The following NRXN3 variants were observed in gnomAD, a reference collection of about 807,000 sequenced individuals.
The protein encoded by NRXN3 is neurexin 3.
In NRXN3, 32 loss-of-function variants were observed where a neutral mutation model predicts 137.6. That is an observed-to-expected ratio of 0.23 (90% confidence interval 0.18 to 0.31). NRXN3 has a LOEUF of 0.31. Ranked by LOEUF, NRXN3 falls within the 10% of genes least tolerant of loss-of-function variation. The pLI is 1.00. For missense variants in NRXN3, 1,574 were observed against 2,062.5 expected (o/e 0.76, Z 4.59); for synonymous variants, 798 against 784.5 (o/e 1.02, Z -0.29).
chr14:79,820,743 A>G (rs893620993), intron 20 of NRXN3, among the ~76,000 whole-genome samples: 3 of 152,160 alleles, frequency 2.0e-5, no homozygotes, highest in African/African-American at 7.2e-5. Flanking sequence ...CTTGTTGAGA[A>G]CATGCAGTAT....
At chr14:78,350,602 G>A (rs1399719430) in intron 4 of NRXN3, among the ~76,000 whole-genome samples, 2 of 152,116 alleles carry the variant, frequency 1.3e-5, no homozygotes, top group Non-Finnish European at 2.9e-5. Flanking sequence ...GAAGGTGAAG[G>A]TGAAGGGTCT....
At chr14:79,796,757 T>C (rs1256867991) in intron 19 of NRXN3, among the ~76,000 whole-genome samples, 1 of 152,142 alleles carries the variant, frequency 6.6e-6, no homozygotes, top group East Asian at 1.9e-4. Flanking sequence ...ATATGCATTG[T>C]GGAAAAGAAG....
At chr14:79,818,685 C>T (rs894655082) in intron 20 of NRXN3, among the ~76,000 whole-genome samples, 3 of 152,196 alleles carry the variant, frequency 2.0e-5, no homozygotes, top group Admixed American at 2.0e-4. Flanking sequence ...CACTTCCTTG[C>T]ATTATGCATC....
chr14:79,688,285 C>T (rs2098703289), intron 17 of NRXN3, among the ~76,000 whole-genome samples: 1 of 152,054 alleles, frequency 6.6e-6, no homozygotes, highest in African/African-American at 2.4e-5. Flanking sequence ...GTGACTTGCC[C>T]ACGATCACAC....
intron 15 of NRXN3, among the ~76,000 whole-genome samples, chr14:79,242,503 C>T (rs1221960380): frequency 6.6e-6 from 1 of 152,074 alleles, no homozygotes. Context: ...AATTGGCTAC[C>T]CTCTGGGTTC....
At chr14:79,544,490 G>A (rs1002511811) in intron 16 of NRXN3, among the ~76,000 whole-genome samples, 3 of 152,120 alleles carry the variant, frequency 2.0e-5, no homozygotes, top group African/African-American at 7.2e-5. Context: ...ATGGCCATGT[G>A]ACTTGCTGGA....
In NRXN3 at chr14:78,672,081, C is replaced by T. The variant is rs79729807; in HGVS notation, c.1221+20755C>T. On this transcript the variant is annotated intron_variant, in intron 6 of 20. Coordinates refer to ENST00000335750, the MANE Select transcript of NRXN3 (RefSeq NM_001330195.2). ...TAGTTGGTGCAAAAAATATACAGAACTTGAAAGATCTAATCATAAAGAAAT... is the reference window on the plus strand; with the variant it reads ...TAGTTGGTGCAAAAAATATACAGAATTTGAAAGATCTAATCATAAAGAAAT... 6.3e-3 allele frequency among the ~76,000 whole-genome samples: 956 copies of T among 152,156 alleles called. 6 individuals are homozygous for T. Among genetic ancestry groups the T allele is most frequent in the East Asian group, 0.037 (192 of 5,184 alleles).
intron 16 of NRXN3, among the ~76,000 whole-genome samples, chr14:79,482,384 A>G (rs954074153): frequency 2.0e-5 from 3 of 152,174 alleles, no homozygotes; most frequent in African/African-American, 4.8e-5. Flanking sequence ...TACTCAGTCT[A>G]TCATTAACCA....
chr14:79,525,289 A>G (rs1425707199), intron 16 of NRXN3, among the ~76,000 whole-genome samples: 1 of 152,140 alleles, frequency 6.6e-6, no homozygotes, highest in Non-Finnish European at 1.5e-5. Flanking sequence ...AAGACCTTCT[A>G]ACAAATGTTC....
intron 15 of NRXN3, among the ~76,000 whole-genome samples, chr14:79,365,515 C>T (rs1165370780): frequency 6.7e-6 from 1 of 149,722 alleles, no homozygotes; most frequent in African/African-American, 2.5e-5. Flanking sequence ...GTCAGGAGAT[C>T]GAGACCATCC....
intron 15 of NRXN3, among the ~76,000 whole-genome samples, chr14:79,304,200 T>C (rs1598474879): frequency 6.6e-6 from 1 of 151,948 alleles, no homozygotes; most frequent in Non-Finnish European, 1.5e-5. Context: ...CCTGGCCCCA[T>C]TAGGGGACAG....
chr14:78,348,309 G>A (rs1473938973), intron 4 of NRXN3, among the ~76,000 whole-genome samples: 1 of 152,158 alleles, frequency 6.6e-6, no homozygotes, highest in Non-Finnish European at 1.5e-5. Flanking sequence ...AAAACTTGGG[G>A]ACAAAAGCCT....
At chr14:79,711,973 C>T (rs1405920868) in intron 19 of NRXN3, among the ~76,000 whole-genome samples, 1 of 152,124 alleles carries the variant, frequency 6.6e-6, no homozygotes, top group Non-Finnish European at 1.5e-5. Flanking sequence ...GAATGTTCAC[C>T]TCCCCCTTCT....
intron 15 of NRXN3, among the ~76,000 whole-genome samples, chr14:78,992,768 T>A (rs768351276): frequency 1.4e-4 from 21 of 152,196 alleles, no homozygotes; most frequent in Non-Finnish European, 2.4e-4. Context: ...ACATGACAAC[T>A]GTTTTGAGTG....
At chr14:78,385,259 T>A (rs968031070) in intron 4 of NRXN3, among the ~76,000 whole-genome samples, 3 of 151,872 alleles carry the variant, frequency 2.0e-5, no homozygotes, top group Non-Finnish European at 4.4e-5. Context: ...AATTTTTTTT[T>A]AAACTTCTTC....
At chr14:79,202,414 C>G (rs2066165969) in intron 15 of NRXN3, among the ~76,000 whole-genome samples, 1 of 151,862 alleles carries the variant, frequency 6.6e-6, no homozygotes, top group Admixed American at 6.6e-5. Context: ...ATTGGGGGTA[C>G]AGGTGGCATT....
At chr14:78,308,454 C>A (rs1187880941) in intron 4 of NRXN3, among the ~76,000 whole-genome samples, 3 of 152,066 alleles carry the variant, frequency 2.0e-5, no homozygotes, top group Non-Finnish European at 4.4e-5. Flanking sequence ...TGAAACCCTG[C>A]AAAGCCTGCT....
intron 16 of NRXN3, among the ~76,000 whole-genome samples, chr14:79,640,114 A>C (rs1567749424): frequency 7.4e-6 from 1 of 135,778 alleles, no homozygotes; most frequent in East Asian, 2.0e-4. Flanking sequence ...GAGAAAATTT[A>C]CATAAGCCAG....
At chr14:79,010,500 A>G (rs562434370) in intron 15 of NRXN3, among the ~76,000 whole-genome samples, 1 of 152,320 alleles carries the variant, frequency 6.6e-6, no homozygotes, top group South Asian at 2.1e-4. Context: ...TCACTGAAAT[A>G]TATCAGGTGA....
Sources: gnomAD v4.1 joint callset for allele counts (sites outside exome capture counted in the v4.1 genomes callset) on GRCh38, gnomAD v4.1.1 for gene constraint, MANE v1.5 for transcripts, NCBI Gene and HGNC (gene_info 2026-07-23, HGNC 2026-07-21) for gene names.